NKAIN2: variants seen among roughly 807,000 people sequenced by gnomAD.
NKAIN2 encodes the protein sodium/potassium-transporting ATPase subunit beta-1-interacting protein 2.
NKAIN2 carries 14 observed loss-of-function variants against 32.6 expected under a neutral mutation model. That is an observed-to-expected ratio of 0.43 (90% CI 0.28 to 0.67). The LOEUF (loss-of-function observed/expected upper bound fraction) is 0.67, where lower values mean the gene tolerates loss of function less well. NKAIN2 is among the 30% of genes least tolerant of loss of function. The pLI is 0.17. For synonymous variants in NKAIN2, 80 were observed against 87.2 expected, an observed-to-expected ratio of 0.92 and a Z score of 0.46; for missense variants, 198 against 258.3, an observed-to-expected ratio of 0.77 and a Z score of 1.60.
intron 1 of NKAIN2, among the ~76,000 whole-genome samples, chr6:123,975,308 G>A (rs931435387): frequency 4.6e-5 from 7 of 151,996 alleles, no homozygotes; most frequent in African/African-American, 1.7e-4. Flanking sequence ...TTTTCCACTT[G>A]AATGTGAAAA....
At chr6:124,576,960 A>C (rs1781357985) in intron 3 of NKAIN2, among the ~76,000 whole-genome samples, 1 of 152,222 alleles carries the variant, frequency 6.6e-6, no homozygotes, top group Non-Finnish European at 1.5e-5. Flanking sequence ...CGTTTGTTAA[A>C]ATGATACATT....
At chr6:123,906,874 T>G (rs543183901) in intron 1 of NKAIN2, among the ~76,000 whole-genome samples, 1 of 152,336 alleles carries the variant, frequency 6.6e-6, no homozygotes, top group East Asian at 1.9e-4. Context: ...AAATAAGCAT[T>G]CTAGTAAACT....
chr6:124,100,823 T>C (rs1784850116), intron 1 of NKAIN2, among the ~76,000 whole-genome samples: 1 of 152,192 alleles, frequency 6.6e-6, no homozygotes, highest in African/African-American at 2.4e-5. Context: ...ATCTGGCATA[T>C]TAATAGCAAT....
intron 1 of NKAIN2, among the ~76,000 whole-genome samples, chr6:124,028,913 GTATATATATGTGTA>G (rs1457824006): frequency 4.6e-3 from 64 of 13,826 alleles, no homozygotes; most frequent in East Asian, 0.034. Flanking sequence ...ACACATATAT[GTATATATATGTGTA>G]TATATATATA....
chr6:124,324,899 G>A (rs1402615062), intron 2 of NKAIN2, among the ~76,000 whole-genome samples: 1 of 151,700 alleles, frequency 6.6e-6, no homozygotes, highest in Non-Finnish European at 1.5e-5. Context: ...ACACTACTTG[G>A]TCATAGTGTA....
chr6:124,146,103 A>G (rs1787383606), intron 1 of NKAIN2, among the ~76,000 whole-genome samples: 1 of 152,064 alleles, frequency 6.6e-6, no homozygotes, highest in African/African-American at 2.4e-5. Flanking sequence ...TACCTTTAAG[A>G]TAAAGATTAC....
intron 1 of NKAIN2, among the ~76,000 whole-genome samples, chr6:123,820,238 T>C (rs1029799303): frequency 6.6e-6 from 1 of 152,194 alleles, no homozygotes; most frequent in African/African-American, 2.4e-5. Context: ...ATACATTGAT[T>C]AGTGTATATA....
intron 1 of NKAIN2, among the ~76,000 whole-genome samples, chr6:123,917,414 C>T (rs1775551425): frequency 1.3e-5 from 2 of 152,026 alleles, no homozygotes; most frequent in South Asian, 2.1e-4. Flanking sequence ...AAGTCATAAG[C>T]CATCCACAGA....
At chr6:124,108,630 G>A (rs1247600591) in intron 1 of NKAIN2, among the ~76,000 whole-genome samples, 1 of 151,984 alleles carries the variant, frequency 6.6e-6, no homozygotes. Context: ...AAATATCAAG[G>A]AGCTTCCTCC....
intron 1 of NKAIN2, among the ~76,000 whole-genome samples, chr6:124,017,890 G>A (rs946911717): frequency 6.6e-5 from 10 of 152,100 alleles, no homozygotes; most frequent in Non-Finnish European, 1.5e-4. Context: ...GGAGGACAGT[G>A]GCCCTCTTCT....
At chr6:124,124,612 A>G (rs552789393) in intron 1 of NKAIN2, among the ~76,000 whole-genome samples, 1 of 152,300 alleles carries the variant, frequency 6.6e-6, no homozygotes, top group African/African-American at 2.4e-5. Context: ...TTCTACATAT[A>G]GGATCATTTC....
At chr6:124,356,697 A>G (rs1210641647) in intron 3 of NKAIN2, among the ~76,000 whole-genome samples, 1 of 152,170 alleles carries the variant, frequency 6.6e-6, no homozygotes, top group Non-Finnish European at 1.5e-5. Context: ...ATTGCTGCTT[A>G]AAACTCACAT....
At chr6:124,049,975 G>A (rs1200770081) in intron 1 of NKAIN2, among the ~76,000 whole-genome samples, 2 of 151,962 alleles carry the variant, frequency 1.3e-5, no homozygotes, top group Admixed American at 6.6e-5. Flanking sequence ...AAAAACATAT[G>A]CCGAGTTTTC....
chr6:124,121,469 T>C (rs1356396525), intron 1 of NKAIN2, among the ~76,000 whole-genome samples: 1 of 152,124 alleles, frequency 6.6e-6, no homozygotes, highest in Non-Finnish European at 1.5e-5. Flanking sequence ...TGTATTTCAC[T>C]GATACCAAGA....
chr6:124,455,372 C>A (rs1346530536), intron 3 of NKAIN2, among the ~76,000 whole-genome samples: 1 of 151,930 alleles, frequency 6.6e-6, no homozygotes, highest in Non-Finnish European at 1.5e-5. Flanking sequence ...AAAGGTACTA[C>A]CAGCTGAAGT....
chr6:123,824,967 G>A (rs555383047), intron 1 of NKAIN2, among the ~76,000 whole-genome samples: 7 of 152,238 alleles, frequency 4.6e-5, no homozygotes, highest in African/African-American at 1.7e-4. Context: ...TTGGGCTGCT[G>A]TGACAAATGG....
At chr6:124,386,777 G>T (rs545142587) in intron 3 of NKAIN2, among the ~76,000 whole-genome samples, 14 of 152,238 alleles carry the variant, frequency 9.2e-5, no homozygotes, top group African/African-American at 3.4e-4. Flanking sequence ...GTCTGCTGCT[G>T]CAGGCTTCAT....
At chr6:123,936,506 C>T (rs1426910961) in intron 1 of NKAIN2, among the ~76,000 whole-genome samples, 1 of 151,900 alleles carries the variant, frequency 6.6e-6, no homozygotes, top group Non-Finnish European at 1.5e-5. Flanking sequence ...AAGAAAGCAG[C>T]CCTAAAATAA....
At chr6:123,892,605 C>A (rs1029278514) in intron 1 of NKAIN2, among the ~76,000 whole-genome samples, 1 of 151,948 alleles carries the variant, frequency 6.6e-6, no homozygotes, top group African/African-American at 2.4e-5. Context: ...GGGACACAGA[C>A]CCAAACCGTA....
Sources: allele counts gnomAD v4.1 joint callset (sites outside exome capture counted in the v4.1 genomes callset), GRCh38; gene constraint gnomAD v4.1.1; transcripts MANE v1.5; gene names NCBI Gene and HGNC (gene_info 2026-07-23, HGNC 2026-07-21).